The following DENND5B variants were observed in gnomAD, a reference collection of about 807,000 sequenced individuals.
DENND5B encodes the protein DENN domain containing 5B, also known as DENN domain-containing protein 5B.
A neutral mutation model predicts 140.6 loss-of-function variants in DENND5B; 34 were observed. The ratio of observed to expected loss-of-function variants is 0.24; its 90% CI spans 0.18 to 0.32. DENND5B has a LOEUF of 0.32. DENND5B is among the 10% of genes least tolerant of loss of function. DENND5B has a pLI of 1.00. For missense variants in DENND5B, 1,142 were observed against 1,560.2 expected (o/e 0.73, Z 4.52); for synonymous variants, 551 against 562.1 (o/e 0.98, Z 0.28).
intron 1 of DENND5B, among the ~76,000 whole-genome samples, chr12:31,589,588 C>T (rs1950526978): frequency 6.6e-6 from 1 of 151,858 alleles, no homozygotes. Flanking sequence ...TATATTCTTC[C>T]CAGTCTCCCC....
At chr12:31,534,685 C>T (rs1480153734) in intron 1 of DENND5B, 1 of 265,940 alleles carries the variant, frequency 3.8e-6, no homozygotes, top group Non-Finnish European at 7.8e-6. Flanking sequence ...GCCACTGGTA[C>T]TTAGACACCT....
Position 31,452,000 on chromosome 12 carries a change from C to T in DENND5B, c.1569G>A (p.Gln523=), listed in dbSNP as rs1441545002. 6.2e-7 allele frequency: 1 copy of T among 1,613,542 alleles called. No individual in the cohort carries two copies. ...GCCAGGATTCCATGTCCTGGGCAGT[C>T]TGAATGACAAATGCTTCGTAATCTG... ...MFADYEAFVI[Q]TAQDMESWLT... Residue 523 remains glutamine, a synonymous_variant, in exon 5 of 21, where the codon CAG becomes CAA. Coordinates refer to ENST00000389082, the MANE Select transcript of DENND5B (RefSeq NM_144973.4).
rs74668353 is a variant in DENND5B at position 31,492,000 on chromosome 12, C to A, written c.237+3810G>T. On this transcript the variant is annotated intron_variant, in intron 2 of 20. Coordinates refer to ENST00000389082, the MANE Select transcript of DENND5B (RefSeq NM_144973.4). ...GGAATAAATTACAGCTTCATACAAA[C>A]GCACTTACTAGTAAATCAAAGAGGA... Among the ~76,000 whole-genome samples the A allele has an allele frequency of 3.3e-5, 5 of 152,292 alleles. No homozygotes were observed. In the East Asian group the frequency reaches 7.7e-4, roughly 23 times the overall value.
At chr12:31,520,381 A>G (rs1303192520) in intron 1 of DENND5B, among the ~76,000 whole-genome samples, 3 of 152,254 alleles carry the variant, frequency 2.0e-5, no homozygotes, top group Non-Finnish European at 4.4e-5. Flanking sequence ...AAAATGAAAC[A>G]GCTGTTAATC....
chr12:31,505,181 T>C (rs997368391), intron 1 of DENND5B, among the ~76,000 whole-genome samples: 1 of 152,142 alleles, frequency 6.6e-6, no homozygotes, highest in Non-Finnish European at 1.5e-5. Flanking sequence ...CTGTCTACAT[T>C]GCTTGTTACA....
At chr12:31,407,359 G>A (rs1210631529) in intron 14 of DENND5B, among the ~76,000 whole-genome samples, 1 of 151,892 alleles carries the variant, frequency 6.6e-6, no homozygotes, top group Non-Finnish European at 1.5e-5. Flanking sequence ...TCTAACCCCT[G>A]CCCTTGTGAT....
At chr12:31,508,956 C>T (rs183144365) in intron 1 of DENND5B, among the ~76,000 whole-genome samples, 51 of 152,092 alleles carry the variant, frequency 3.4e-4, no homozygotes, top group African/African-American at 1.1e-3. Flanking sequence ...GGGGGAGGGG[C>T]GAGGTGGAGC....
intron 1 of DENND5B, among the ~76,000 whole-genome samples, chr12:31,573,928 T>C (rs1949909566): frequency 6.6e-6 from 1 of 150,710 alleles, no homozygotes; most frequent in African/African-American, 2.5e-5. Flanking sequence ...ATAGCCACTG[T>C]GCTCCATTCT....
rs539837578 is a variant in DENND5B, at chr12:31,452,210, G to A, written c.1359C>T (p.Thr453=). Residue 453 remains threonine, a synonymous_variant, in exon 5 of 21, where the codon ACC becomes ACT. Transcript: ENST00000389082. ...SMYELLKGNE[T]IARLQALAKR... is the part of the protein sequence containing the mutation. ...TGGCCAGAGCCTGCAAGCGGGCTATGGTTTCATTGCCCTTCAGTAACTCAT... is the reference window on the plus strand; with the variant it reads ...TGGCCAGAGCCTGCAAGCGGGCTATAGTTTCATTGCCCTTCAGTAACTCAT... The A allele has an allele frequency of 6.2e-7, 1 of 1,613,966 alleles. No homozygotes were observed. The highest frequency in any genetic ancestry group is 1.1e-5 in the South Asian group (1 of 91,082).
rs569513261 is a variant in DENND5B at position 31,532,088 on chromosome 12, C to T, written c.128-36169G>A. 7.2e-5 allele frequency among the ~76,000 whole-genome samples: 11 copies of T among 152,252 alleles called. No individual in the cohort carries two copies. The South Asian group carries it at 2.1e-3, about 29-fold the overall frequency. ...AAGACTGACATTAATCAAAGGAATGCAATTATGACTACATGGCTATAAACT... is the reference window on the plus strand; with the variant it reads ...AAGACTGACATTAATCAAAGGAATGTAATTATGACTACATGGCTATAAACT... On this transcript the variant is annotated intron_variant, in intron 1 of 20. Transcript: ENST00000389082.
intron 4 of DENND5B, among the ~76,000 whole-genome samples, chr12:31,453,355 G>A (rs1944624499): frequency 6.6e-6 from 1 of 152,108 alleles, no homozygotes; most frequent in South Asian, 2.1e-4. Flanking sequence ...AATTTATTTT[G>A]AATAAATATT....
At chr12:31,430,874 T>C (rs1399876777) in intron 8 of DENND5B, among the ~76,000 whole-genome samples, 1 of 152,044 alleles carries the variant, frequency 6.6e-6, no homozygotes, top group Non-Finnish European at 1.5e-5. Context: ...AATAGCAACA[T>C]TCCATGGACA....
chr12:31,510,487 T>A (rs1459210049), intron 1 of DENND5B, among the ~76,000 whole-genome samples: 1 of 152,112 alleles, frequency 6.6e-6, no homozygotes, highest in African/African-American at 2.4e-5. Context: ...GGCTAAAGAA[T>A]CCATTTTCAA....
intron 1 of DENND5B, among the ~76,000 whole-genome samples, chr12:31,572,949 G>A (rs983089736): frequency 2.0e-5 from 3 of 152,118 alleles, no homozygotes; most frequent in Non-Finnish European, 2.9e-5. Context: ...AAATATTTAC[G>A]AAACTCATGC....
intron 11 of DENND5B, 29 bp downstream of exon 11, chr12:31,423,568 C>G: frequency 6.2e-7 from 1 of 1,608,972 alleles, no homozygotes; most frequent in East Asian, 2.2e-5. Context: ...GAGTCCAGTG[C>G]TGCTAGTTCT....
chr12:31,542,789 C>T (rs745323288), intron 1 of DENND5B, among the ~76,000 whole-genome samples: 1 of 152,062 alleles, frequency 6.6e-6, no homozygotes, highest in Non-Finnish European at 1.5e-5. Flanking sequence ...AACCCCATCT[C>T]TATGAAAAAA....
intron 13 of DENND5B, 109 bp downstream of exon 13, chr12:31,413,327 C>T (rs1942564309): frequency 7.5e-7 from 1 of 1,326,706 alleles, no homozygotes; most frequent in East Asian, 2.4e-5. Context: ...AATGCATGTG[C>T]ACAGGATACA....
chr12:31,400,387 A>G (rs920537360), intron 15 of DENND5B, among the ~76,000 whole-genome samples: 5 of 152,240 alleles, frequency 3.3e-5, no homozygotes, highest in African/African-American at 7.2e-5. Flanking sequence ...ATAGTTATCA[A>G]TAAGTTATCT....
intron 6 of DENND5B, among the ~76,000 whole-genome samples, chr12:31,445,905 A>G (rs1944254526): frequency 6.6e-6 from 1 of 151,150 alleles, no homozygotes; most frequent in Non-Finnish European, 1.5e-5. Context: ...GTTCCCCAGG[A>G]GGCTGTGGTA....
Sources: gnomAD v4.1 joint callset for allele counts (sites outside exome capture counted in the v4.1 genomes callset) on GRCh38, gnomAD v4.1.1 for gene constraint, MANE v1.5 for transcripts, NCBI Gene and HGNC (gene_info 2026-07-23, HGNC 2026-07-21) for gene names.